ATP13A4: variants seen among roughly 807,000 people sequenced by gnomAD.
ATP13A4 encodes the protein probable cation-transporting ATPase 13A4.
ATP13A4 carries 114 observed loss-of-function variants against 142.5 expected under a neutral mutation model. That is an observed-to-expected ratio of 0.80 (90% CI 0.69 to 0.93). The LOEUF is 0.93. Ranked by LOEUF, ATP13A4 falls within the 40% of genes least tolerant of loss-of-function variation. ATP13A4 has a pLI of 0.00. For synonymous variants in ATP13A4, 488 were observed against 514.8 expected, an observed-to-expected ratio of 0.95 and a Z score of 0.70; for missense variants, 1,392 against 1,454.0, an observed-to-expected ratio of 0.96 and a Z score of 0.69.
intron 18 of ATP13A4, among the ~76,000 whole-genome samples, chr3:193,445,158 C>A (rs978194695): frequency 2.0e-5 from 3 of 152,174 alleles, no homozygotes; most frequent in East Asian, 1.9e-4. Context: ...AGAGCACTGG[C>A]CAGGCGCAGT....
At chr3:193,473,270 A>G (rs971168521) in intron 8 of ATP13A4, among the ~76,000 whole-genome samples, 2 of 152,244 alleles carry the variant, frequency 1.3e-5, no homozygotes, top group Non-Finnish European at 2.9e-5. Flanking sequence ...ATCAAAGTAA[A>G]TAATGATAAG....
chr3:193,547,831 T>G (rs1236667123), intron 1 of ATP13A4, among the ~76,000 whole-genome samples: 1 of 152,272 alleles, frequency 6.6e-6, no homozygotes, highest in East Asian at 1.9e-4. Context: ...AAATTCTTAA[T>G]AATTGTTGAA....
At chr3:193,430,035 G>T (rs1715884311) in intron 25 of ATP13A4, among the ~76,000 whole-genome samples, 1 of 152,022 alleles carries the variant, frequency 6.6e-6, no homozygotes. Context: ...GAATCAAGTT[G>T]TTTAACAAAA....
chr3:193,415,649 A>T (rs565365803), intron 25 of ATP13A4, among the ~76,000 whole-genome samples: 144 of 152,334 alleles, frequency 9.5e-4, no homozygotes, highest in African/African-American at 3.2e-3. Context: ...GGATTGATGC[A>T]GGCACTCATC....
At chr3:193,447,054 T>C (rs1362798584) in intron 18 of ATP13A4, among the ~76,000 whole-genome samples, 1 of 152,118 alleles carries the variant, frequency 6.6e-6, no homozygotes, top group Non-Finnish European at 1.5e-5. Context: ...CGAAAAAAAT[T>C]TGTAAACAAG....
chr3:193,585,680 T>G (rs1459879292), intron 1 of ATP13A4, among the ~76,000 whole-genome samples: 1 of 152,142 alleles, frequency 6.6e-6, no homozygotes, highest in African/African-American at 2.4e-5. Context: ...TATCCGCAGG[T>G]CATTCTGTTT....
At chr3:193,502,429 TA>T (rs1345551649) in intron 3 of ATP13A4, 63 bp downstream of exon 3, 1 of 1,553,716 alleles carries the variant, frequency 6.4e-7, no homozygotes, top group Admixed American at 1.7e-5. Flanking sequence ...TACATTTAAC[TA>T]TATACTTGAG....
rs1553862286 is a variant in ATP13A4, at chr3:193,573,308, CAT to C, written n.291+8397_291+8398del. On this transcript the variant is annotated intron_variant and non_coding_transcript_variant, in intron 2 of 3. Coordinates refer to the ATP13A4 transcript ENST00000489140. ...ATATATACACATATATATATATATACATATATATATATATATATAATTTGTAT... is the reference window on the plus strand; with the variant it reads ...ATATATACACATATATATATATATACATATATATATATATATAATTTGTAT... Among the ~76,000 whole-genome samples, 71 of 103,638 alleles carry C rather than the reference CAT, an allele frequency of 6.9e-4. 6 individuals are homozygous for C. The highest frequency in any genetic ancestry group is 4.7e-3 in the Middle Eastern group (1 of 212). The allele number at this position is 103,638 out of a possible 152,430, so 68.0% of individuals were successfully genotyped here.
At chr3:193,511,390 G>C (rs1442649606) in intron 2 of ATP13A4, among the ~76,000 whole-genome samples, 1 of 152,178 alleles carries the variant, frequency 6.6e-6, no homozygotes, top group Admixed American at 6.5e-5. Context: ...ACCCGACTGA[G>C]TATGGATGAG....
At chr3:193,496,723 C>T (rs1029313831) in intron 3 of ATP13A4, among the ~76,000 whole-genome samples, 4 of 151,752 alleles carry the variant, frequency 2.6e-5, no homozygotes, top group African/African-American at 9.7e-5. Context: ...CCTGGGAGGC[C>T]GAGGTTGCAG....
chr3:193,446,654 AT>A (rs1262228103), intron 18 of ATP13A4, among the ~76,000 whole-genome samples: 1 of 152,214 alleles, frequency 6.6e-6, no homozygotes, highest in Non-Finnish European at 1.5e-5. Flanking sequence ...AAAGTGACAG[AT>A]ATTATGATGA....
intron 2 of ATP13A4, among the ~76,000 whole-genome samples, chr3:193,570,048 C>G (rs960490583): frequency 6.6e-6 from 1 of 151,982 alleles, no homozygotes; most frequent in African/African-American, 2.4e-5. Context: ...GCCTGTAATC[C>G]CAGCACTTTG....
At chr3:193,483,493 C>T (rs891122134) in intron 8 of ATP13A4, among the ~76,000 whole-genome samples, 1 of 152,130 alleles carries the variant, frequency 6.6e-6, no homozygotes, top group East Asian at 1.9e-4. Flanking sequence ...GAGATGGAGT[C>T]TCGCTCTGTC....
chr3:193,463,400 C>T (rs998613041), intron 12 of ATP13A4, among the ~76,000 whole-genome samples: 12 of 127,834 alleles, frequency 9.4e-5, no homozygotes, highest in Non-Finnish European at 1.4e-4. Context: ...TGAACAGACT[C>T]GAAAGAAATG....
chr3:193,483,666 G>A (rs190906127), intron 8 of ATP13A4, among the ~76,000 whole-genome samples: 41 of 152,062 alleles, frequency 2.7e-4, no homozygotes, highest in African/African-American at 9.6e-4. Context: ...GGGTTTCACC[G>A]TGTTAGCCAG....
intron 16 of ATP13A4, 52 bp from the exon 17 acceptor site, chr3:193,454,264 C>T (rs1717449643): frequency 7.4e-7 from 1 of 1,357,672 alleles, no homozygotes; most frequent in Non-Finnish European, 1.1e-6. Flanking sequence ...TTAGGCAGTA[C>T]TGGCAAAGAA....
At chr3:193,520,938 C>G (rs1483456181) in intron 1 of ATP13A4, among the ~76,000 whole-genome samples, 2 of 152,274 alleles carry the variant, frequency 1.3e-5, no homozygotes, top group Non-Finnish European at 2.9e-5. Flanking sequence ...AATGTCACCT[C>G]TCTGGTCATT....
At chr3:193,576,789 A>G (rs1487891304) in intron 2 of ATP13A4, among the ~76,000 whole-genome samples, 1 of 152,184 alleles carries the variant, frequency 6.6e-6, no homozygotes, top group African/African-American at 2.4e-5. Flanking sequence ...GGCTAAGCAG[A>G]AAAAAACAAC....
intron 1 of ATP13A4, among the ~76,000 whole-genome samples, chr3:193,539,777 A>G (rs2108713507): frequency 6.6e-6 from 1 of 152,328 alleles, no homozygotes; most frequent in East Asian, 1.9e-4. Context: ...TCACATGAAA[A>G]TGCTTAGCAA....
Sources: gnomAD v4.1 joint callset for allele counts (sites outside exome capture counted in the v4.1 genomes callset) on GRCh38, gnomAD v4.1.1 for gene constraint, MANE v1.5 for transcripts, NCBI Gene and HGNC (gene_info 2026-07-23, HGNC 2026-07-21) for gene names.